PPM1L: variants seen among roughly 807,000 people sequenced by gnomAD.
PPM1L encodes protein phosphatase, Mg2+/Mn2+ dependent 1L, also known as protein phosphatase 1L.
A neutral mutation model predicts 31.4 loss-of-function variants in PPM1L; 13 were observed. That is an observed-to-expected ratio of 0.41 (90% confidence interval 0.27 to 0.66). The LOEUF is 0.66. Among genes scored for constraint, PPM1L ranks in the 30% least tolerant of loss-of-function variants. The pLI is 0.29. For synonymous variants in PPM1L, 184 were observed against 175.4 expected, an observed-to-expected ratio of 1.05 and a Z score of -0.39; for missense variants, 326 against 453.7, an observed-to-expected ratio of 0.72 and a Z score of 2.56.
At chr3:160,900,201 G>A (rs1168688218) in intron 1 of PPM1L, among the ~76,000 whole-genome samples, 1 of 151,860 alleles carries the variant, frequency 6.6e-6, no homozygotes, top group Non-Finnish European at 1.5e-5. Flanking sequence ...TTTTTCTTTA[G>A]AGTTGTCTTT....
At chr3:160,976,465 G>A (rs147481492) in intron 2 of PPM1L, among the ~76,000 whole-genome samples, 113,172 of 137,338 alleles carry the variant, frequency 0.82, 46,743 homozygotes, top group Middle Eastern at 0.91. Flanking sequence ...GTTCCTCCTT[G>A]TACCTCTGGT....
intron 2 of PPM1L, among the ~76,000 whole-genome samples, chr3:161,056,267 T>C (rs938113490): frequency 2.6e-5 from 4 of 152,148 alleles, no homozygotes; most frequent in Non-Finnish European, 5.9e-5. Context: ...TGGACAGTCA[T>C]TGATATTTGA....
intron 1 of PPM1L, among the ~76,000 whole-genome samples, chr3:160,762,752 A>G (rs1031588243): frequency 6.6e-6 from 1 of 152,172 alleles, no homozygotes; most frequent in African/African-American, 2.4e-5. Flanking sequence ...AAGAAAAAAT[A>G]TGGAAATGGT....
chr3:160,974,442 G>A (rs538702273), intron 2 of PPM1L, among the ~76,000 whole-genome samples: 149 of 151,398 alleles, frequency 9.8e-4, no homozygotes, highest in African/African-American at 3.5e-3. Context: ...CTGAGGAATC[G>A]CCACACTGAC....
intron 1 of PPM1L, among the ~76,000 whole-genome samples, chr3:160,783,837 C>A (rs575357484): frequency 4.3e-4 from 65 of 152,048 alleles, no homozygotes; most frequent in African/African-American, 1.4e-3. Context: ...GTAGGGATGC[C>A]TAACTTAGAA....
chr3:160,891,460 C>T (rs1353304218), intron 1 of PPM1L, among the ~76,000 whole-genome samples: 1 of 152,002 alleles, frequency 6.6e-6, no homozygotes, highest in East Asian at 1.9e-4. Context: ...CATCTCACAC[C>T]AGTCAGAATG....
chr3:160,823,085 G>T (rs1012154945), intron 1 of PPM1L, among the ~76,000 whole-genome samples: 1 of 152,044 alleles, frequency 6.6e-6, no homozygotes, highest in Non-Finnish European at 1.5e-5. Context: ...AAAAAAAGAA[G>T]CCTGCTTTAC....
At chr3:160,909,402 A>T (rs1005365242) in intron 1 of PPM1L, among the ~76,000 whole-genome samples, 8 of 152,176 alleles carry the variant, frequency 5.3e-5, no homozygotes, top group Admixed American at 2.0e-4. Flanking sequence ...ACAGTAGAAA[A>T]GAAAGAGCCG....
chr3:160,976,125 A>G (rs1453996947), intron 2 of PPM1L, among the ~76,000 whole-genome samples: 3 of 86,966 alleles, frequency 3.4e-5, no homozygotes, highest in African/African-American at 5.2e-5. Context: ...GCATCTATTG[A>G]GATAATCATG....
At chr3:160,971,962 C>G (rs927368151) in intron 2 of PPM1L, among the ~76,000 whole-genome samples, 2 of 152,000 alleles carry the variant, frequency 1.3e-5, no homozygotes, top group Admixed American at 1.3e-4. Flanking sequence ...GAGACGGGTT[C>G]TTACTGTGTT....
At chr3:161,009,492 T>C (rs1023207806) in intron 2 of PPM1L, among the ~76,000 whole-genome samples, 2 of 152,214 alleles carry the variant, frequency 1.3e-5, no homozygotes, top group Non-Finnish European at 2.9e-5. Context: ...ATGAAAATCA[T>C]GTATAAGAAT....
In PPM1L at chr3:160,977,645, C is replaced by T. The variant is rs115467816; in HGVS notation, c.574+15735C>T. ...TTATTATTTATATCCCACTTCTTCC[C>T]TAAAAGTTTGATTTGCCATTCTTAT... On this transcript the variant is annotated intron_variant, in intron 2 of 3. Coordinates refer to ENST00000498165, the MANE Select transcript of PPM1L (RefSeq NM_139245.4). Among the ~76,000 whole-genome samples the T allele has an allele frequency of 5.4e-3, 827 of 152,086 alleles. 4 individuals carry two copies. Among genetic ancestry groups the T allele is most frequent in the Non-Finnish European group, 9.0e-3 (613 of 68,008 alleles).
rs1719844449 is a variant in PPM1L, at chr3:161,069,468, A to C, written c.*311A>C. On this transcript the variant is annotated 3_prime_UTR_variant, in exon 4 of 4. Transcript: ENST00000498165. ...CATATGTGTCATTTAGTCTCCCTGA[A>C]GATTCTTTTCAAGATCCTGTTCAGG... 3.2e-6 allele frequency: 1 copy of C among 311,106 alleles called. No homozygotes were observed. The highest frequency in any genetic ancestry group is 3.9e-5 in the South Asian group (1 of 25,946). The allele number at this position is 311,106 out of a possible 1,614,324, so 19.3% of individuals were successfully genotyped here.
intron 1 of PPM1L, among the ~76,000 whole-genome samples, chr3:160,944,611 G>A (rs780404722): frequency 1.4e-5 from 2 of 147,104 alleles, no homozygotes; most frequent in Admixed American, 7.1e-5. Context: ...AGGTGAGGAC[G>A]ATGATGTGCA....
At chr3:160,846,097 A>C (rs1714065842) in intron 1 of PPM1L, among the ~76,000 whole-genome samples, 1 of 152,180 alleles carries the variant, frequency 6.6e-6, no homozygotes, top group African/African-American at 2.4e-5. Context: ...TCCAATAAAG[A>C]AAATGGAAAG....
At chr3:160,994,239 A>G (rs911043534) in intron 2 of PPM1L, among the ~76,000 whole-genome samples, 27 of 152,268 alleles carry the variant, frequency 1.8e-4, no homozygotes, top group African/African-American at 6.5e-4. Flanking sequence ...AGAAACCTAG[A>G]GCCAGCAAAC....
intron 2 of PPM1L, among the ~76,000 whole-genome samples, chr3:161,022,657 C>CTTTTTTTT (rs71147399): frequency 1.5e-4 from 14 of 93,722 alleles, no homozygotes; most frequent in Non-Finnish European, 2.7e-4. Context: ...ATTTCTCCTT[C>CTTTTTTTT]TTTTTTTTTT....
rs113273287 is a variant in PPM1L, at chr3:160,756,752, CGT to C, written c.399+82_399+83del. 0.075 allele frequency: 75,001 copies of C among 996,700 alleles called. 169 individuals carry two copies. The highest frequency in any genetic ancestry group is 0.097 in the Admixed American group (4,104 of 42,264). The allele number at this position is 996,700 out of a possible 1,614,324, so 61.7% of individuals were successfully genotyped here. On this transcript the variant is annotated intron_variant, in intron 1 of 3. Transcript: ENST00000498165. This position sits in a 1 kb window ranked among gnomAD's most constrained non-coding sequence, Gnocchi z 6.2. Reference sequence around the variant, plus strand: ...TTTGTATTTGTGTCCGTGTATGTCTCGTGTGTGTGTGTGTGTGTGTGTGTGTG... The same window carrying C: ...TTTGTATTTGTGTCCGTGTATGTCTCGTGTGTGTGTGTGTGTGTGTGTGTG...
chr3:160,798,038 C>T (rs1310636378), intron 1 of PPM1L, among the ~76,000 whole-genome samples: 4 of 151,978 alleles, frequency 2.6e-5, no homozygotes, highest in African/African-American at 7.3e-5. Context: ...ATTAGCTGGG[C>T]GTGGTAGTGC....
Sources: allele counts gnomAD v4.1 joint callset (sites outside exome capture counted in the v4.1 genomes callset), GRCh38; gene constraint gnomAD v4.1.1; non-coding constraint Gnocchi (gnomAD v3.1); transcripts MANE v1.5; gene names NCBI Gene and HGNC (gene_info 2026-07-23, HGNC 2026-07-21).